Variants in ROBO2 observed in about 807,000 individuals in gnomAD.
The protein encoded by ROBO2 is roundabout homolog 2.
A neutral mutation model predicts 160.8 loss-of-function variants in ROBO2; 53 were observed. That is an observed-to-expected ratio of 0.33 (90% CI 0.26 to 0.41). The LOEUF (loss-of-function observed/expected upper bound fraction) is 0.41, where lower values mean the gene tolerates loss of function less well. Among genes scored for constraint, ROBO2 ranks in the 10% least tolerant of loss-of-function variants. The probability of loss-of-function intolerance (pLI) is 1.00; values close to 1 mark genes in which losing one functional copy is unlikely to be tolerated. For synonymous variants in ROBO2, 664 were observed against 611.7 expected (o/e 1.09, Z -1.26); for missense variants, 1,577 against 1,722.4 (o/e 0.92, Z 1.49).
chr3:76,664,004 A>G (rs1175635219), intron 2 of ROBO2, among the ~76,000 whole-genome samples: 2 of 152,128 alleles, frequency 1.3e-5, no homozygotes, highest in Non-Finnish European at 2.9e-5. Flanking sequence ...AAAAGGGTAT[A>G]AAAAGGGAGA....
intron 2 of ROBO2, among the ~76,000 whole-genome samples, chr3:76,476,334 G>A (rs1560010912): frequency 6.6e-6 from 1 of 152,040 alleles, no homozygotes; most frequent in Non-Finnish European, 1.5e-5. Context: ...TGATTCAGCT[G>A]TACTCAAGCT....
chr3:76,737,287 T>C (rs2107969378), intron 2 of ROBO2, among the ~76,000 whole-genome samples: 1 of 152,258 alleles, frequency 6.6e-6, no homozygotes, highest in Non-Finnish European at 1.5e-5. Flanking sequence ...ATAGGGTTTA[T>C]TACATTGGTC....
intron 6 of ROBO2, among the ~76,000 whole-genome samples, chr3:77,539,691 A>T (rs1032111934): frequency 7.9e-5 from 12 of 152,180 alleles, no homozygotes; most frequent in African/African-American, 2.7e-4. Flanking sequence ...GGTGAAAAAA[A>T]TATACCATTT....
chr3:76,900,650 T>C (rs1190104802), intron 2 of ROBO2, among the ~76,000 whole-genome samples: 1 of 152,136 alleles, frequency 6.6e-6, no homozygotes. Context: ...AGACGATATG[T>C]AAAAACATTA....
chr3:76,396,408 G>A (rs2077451019), intron 2 of ROBO2, among the ~76,000 whole-genome samples: 1 of 152,052 alleles, frequency 6.6e-6, no homozygotes, highest in Non-Finnish European at 1.5e-5. Flanking sequence ...TTTGAAAACT[G>A]GCACAAGACA....
chr3:76,553,201 T>A (rs1337701113), intron 2 of ROBO2, among the ~76,000 whole-genome samples: 1 of 152,114 alleles, frequency 6.6e-6, no homozygotes, highest in African/African-American at 2.4e-5. Flanking sequence ...TCAGGGATTG[T>A]AATTAGAGTG....
intron 2 of ROBO2, among the ~76,000 whole-genome samples, chr3:77,424,593 A>G (rs1358317491): frequency 6.6e-6 from 1 of 152,230 alleles, no homozygotes; most frequent in African/African-American, 2.4e-5. Context: ...TTAAACATAA[A>G]TATATTTCTA....
At chr3:76,310,104 G>GA (rs1287802333) in intron 2 of ROBO2, among the ~76,000 whole-genome samples, 1 of 151,900 alleles carries the variant, frequency 6.6e-6, no homozygotes, top group Non-Finnish European at 1.5e-5. Context: ...TTACAGATGT[G>GA]AGCCACCACG....
At chr3:77,007,066 A>G (rs2061618899) in intron 2 of ROBO2, among the ~76,000 whole-genome samples, 1 of 152,162 alleles carries the variant, frequency 6.6e-6, no homozygotes. Context: ...TTTAACCAAC[A>G]GAGAAGACTC....
chr3:76,527,683 G>T (rs1263889963), intron 2 of ROBO2, among the ~76,000 whole-genome samples: 1 of 152,022 alleles, frequency 6.6e-6, no homozygotes, highest in East Asian at 1.9e-4. Context: ...TTATATTCAA[G>T]AATTTGGGGA....
intron 2 of ROBO2, among the ~76,000 whole-genome samples, chr3:76,573,352 G>A (rs1216532130): frequency 6.6e-6 from 1 of 151,998 alleles, no homozygotes; most frequent in Non-Finnish European, 1.5e-5. Context: ...AGTTCAATCA[G>A]AGCATTATCA....
intron 2 of ROBO2, among the ~76,000 whole-genome samples, chr3:77,179,377 T>C (rs1477684918): frequency 2.6e-5 from 4 of 152,032 alleles, no homozygotes; most frequent in Non-Finnish European, 5.9e-5. Flanking sequence ...TTTTTATACA[T>C]TGCCATGCAA....
chr3:76,907,798 G>T (rs962401024), intron 2 of ROBO2, among the ~76,000 whole-genome samples: 4 of 145,282 alleles, frequency 2.8e-5, no homozygotes, highest in African/African-American at 1.0e-4. Context: ...GATATTCATG[G>T]CCTTTCTGCT....
intron 2 of ROBO2, among the ~76,000 whole-genome samples, chr3:76,362,296 T>C (rs2075568019): frequency 6.6e-6 from 1 of 151,994 alleles, no homozygotes; most frequent in African/African-American, 2.4e-5. Context: ...TCTGGGATGT[T>C]GAGGCTGCTG....
At chr3:76,742,755 C>CA (rs899068567) in intron 2 of ROBO2, among the ~76,000 whole-genome samples, 7 of 151,752 alleles carry the variant, frequency 4.6e-5, no homozygotes, top group Non-Finnish European at 8.8e-5. Context: ...CTTTGGTTCA[C>CA]AAAAAAATAT....
intron 2 of ROBO2, among the ~76,000 whole-genome samples, chr3:76,601,776 A>G (rs2197724): frequency 0.94 from 142,330 of 152,110 alleles, 67,310 homozygotes; most frequent in Non-Finnish European, 1. Context: ...TAACATTGCC[A>G]TTCCACTCCT....
chr3:76,123,875 A>G (rs1190883119), intron 2 of ROBO2, among the ~76,000 whole-genome samples: 3 of 152,022 alleles, frequency 2.0e-5, no homozygotes, highest in Non-Finnish European at 2.9e-5. Context: ...GTTGTAAATG[A>G]CCTGGCTTTT....
At chr3:76,448,985 A>AG (rs1325846960) in intron 2 of ROBO2, among the ~76,000 whole-genome samples, 1 of 34,736 alleles carries the variant, frequency 2.9e-5, no homozygotes, top group Non-Finnish European at 4.9e-5. Flanking sequence ...ACATTCTTAC[A>AG]AAGCAATTTT....
chr3:76,177,790 A>C (rs1006722470), intron 2 of ROBO2, among the ~76,000 whole-genome samples: 1 of 152,212 alleles, frequency 6.6e-6, no homozygotes, highest in African/African-American at 2.4e-5. Context: ...AAATATAGAC[A>C]GATGGATAAC....
Sources: gnomAD v4.1 joint callset for allele counts (sites outside exome capture counted in the v4.1 genomes callset) on GRCh38, gnomAD v4.1.1 for gene constraint, MANE v1.5 for transcripts, NCBI Gene and HGNC (gene_info 2026-07-23, HGNC 2026-07-21) for gene names.